Variants in CRB1 observed in about 807,000 individuals in gnomAD.
The protein encoded by CRB1 is protein crumbs homolog 1.
A neutral mutation model predicts 120.0 loss-of-function variants in CRB1; 83 were observed. That is an observed-to-expected ratio of 0.69 (90% CI 0.58 to 0.83). CRB1 has a LOEUF of 0.83. CRB1 is among the 40% of genes least tolerant of loss of function. The pLI is 0.00. For missense variants in CRB1, 1,699 were observed against 1,687.6 expected (o/e 1.01, Z -0.12); for synonymous variants, 625 against 612.5 (o/e 1.02, Z -0.30).
At chr1:197,254,021 A>T in the CRB1 span, among the ~76,000 whole-genome samples, 1 of 152,118 alleles carries the variant, frequency 6.6e-6, no homozygotes, top group Non-Finnish European at 1.5e-5. Flanking sequence ...TCAGGCAGCT[A>T]TTGATCCAAA....
At chr1:197,475,308 G>T (rs1260139061) in intron 11 of CRB1, among the ~76,000 whole-genome samples, 1 of 152,034 alleles carries the variant, frequency 6.6e-6, no homozygotes, top group Non-Finnish European at 1.5e-5. Flanking sequence ...CCTCATGTGA[G>T]CCCAATTTCA....
intron 5 of CRB1, among the ~76,000 whole-genome samples, chr1:197,397,976 G>A (rs552924544): frequency 5.3e-5 from 8 of 152,126 alleles, no homozygotes; most frequent in Non-Finnish European, 8.8e-5. Flanking sequence ...AAGTGGAAGT[G>A]ACCTGGACCT....
Position 197,435,474 on chromosome 1 carries a change from C to A in CRB1, c.3611C>A (p.Pro1204His). 1 of 1,601,018 alleles carries A rather than the reference C, an allele frequency of 6.2e-7. No individual in the cohort carries two copies. Among genetic ancestry groups the A allele is most frequent in the South Asian group, 1.1e-5 (1 of 88,382 alleles). ...RVAAYHCTCE[P>H]GYTGVNCEVD... is the part of the protein sequence containing the mutation. The stretch of plus-strand genomic sequence containing the variant: ...GCAGCCTACCACTGCACATGTGAGC[C>A]TGGATACACTGGTGTGAACTGTGAA... Residue 1204 changes from proline (P) to histidine (H), a missense_variant, in exon 9 of 12, where the codon CCT (proline) becomes CAT (histidine). Transcript: ENST00000367400.
chr1:197,254,662 T>C, the CRB1 span, among the ~76,000 whole-genome samples: 14 of 152,260 alleles, frequency 9.2e-5, no homozygotes, highest in Middle Eastern at 6.8e-3. Context: ...CAAATCAGTT[T>C]TTTAAAGAAC....
chr1:197,413,856 A>T (rs1433433745), intron 5 of CRB1: 10 of 448,894 alleles, frequency 2.2e-5, no homozygotes, highest in Non-Finnish European at 1.3e-5. Flanking sequence ...TTGAAGAACA[A>T]GCCCACACTT....
chr1:197,463,132 T>TA (rs1265308136), intron 11 of CRB1, among the ~76,000 whole-genome samples: 1 of 152,182 alleles, frequency 6.6e-6, no homozygotes, highest in Non-Finnish European at 1.5e-5. Context: ...GTTGTTTTAC[T>TA]TCTTGATAGA....
chr1:197,432,217 A>G (rs1288064881), intron 8 of CRB1, among the ~76,000 whole-genome samples: 1 of 152,162 alleles, frequency 6.6e-6, no homozygotes, highest in Non-Finnish European at 1.5e-5. Context: ...AAATATATTT[A>G]TATAGCATTA....
rs144894633 is a variant in CRB1 at position 197,282,292 on chromosome 1, C to T, written c.70+13810C>T. Among the ~76,000 whole-genome samples the T allele has an allele frequency of 2.4e-4, 37 of 151,818 alleles. No homozygotes were observed. In the East Asian group the frequency reaches 5.8e-3, roughly 24 times the overall value. ...ATTCAGTAACTATCATCAAGTCCATCCTCTGGACTACTTATTAGAATAAGA... is the reference window on the plus strand; with the variant it reads ...ATTCAGTAACTATCATCAAGTCCATTCTCTGGACTACTTATTAGAATAAGA... On this transcript the variant is annotated intron_variant, in intron 1 of 11. Transcript: ENST00000367400.
chr1:197,297,941 G>A (rs1373583318), intron 1 of CRB1, among the ~76,000 whole-genome samples: 2 of 152,082 alleles, frequency 1.3e-5, no homozygotes, highest in Admixed American at 1.3e-4. Flanking sequence ...TTCATGGGGT[G>A]GTGAGGACAG....
the CRB1 span, among the ~76,000 whole-genome samples, chr1:197,252,558 ATATATATATATATATATATATATATGTG>A: frequency 2.6e-5 from 1 of 38,912 alleles, no homozygotes; most frequent in African/African-American, 6.4e-5. Context: ...ATATATATAT[ATATATATATATATATATATATATATGTG>A]TGTGTGTGTG....
At chr1:197,345,473 T>C (rs1444690807) in intron 3 of CRB1, among the ~76,000 whole-genome samples, 7 of 150,618 alleles carry the variant, frequency 4.6e-5, no homozygotes, top group Non-Finnish European at 1.0e-4. Flanking sequence ...AAAAGGCACA[T>C]ATGCTTCAAA....
chr1:197,223,573 A>G, the CRB1 span, among the ~76,000 whole-genome samples: 1 of 152,214 alleles, frequency 6.6e-6, no homozygotes, highest in African/African-American at 2.4e-5. Flanking sequence ...GTTATTTATT[A>G]TGGAAAAATG....
chr1:197,255,996 T>TATATAC, the CRB1 span, among the ~76,000 whole-genome samples: 1,200 of 116,568 alleles, frequency 0.01, 24 homozygotes, highest in East Asian at 0.045. Context: ...TATATATATA[T>TATATAC]ACACTACAAT....
At chr1:197,244,011 G>T in the CRB1 span, among the ~76,000 whole-genome samples, 1 of 151,860 alleles carries the variant, frequency 6.6e-6, no homozygotes, top group African/African-American at 2.4e-5. Context: ...CTTTTATTTT[G>T]CTTTCCATTT....
At chr1:197,298,418 G>A (rs542468365) in intron 1 of CRB1, among the ~76,000 whole-genome samples, 3 of 152,082 alleles carry the variant, frequency 2.0e-5, no homozygotes, top group South Asian at 2.1e-4. Flanking sequence ...AATTGCAGAC[G>A]ATGAAAAAGT....
intron 1 of CRB1, 113 bp downstream of exon 1, chr1:197,268,595 G>T: frequency 6.2e-6 from 5 of 806,622 alleles, no homozygotes; most frequent in African/African-American, 3.5e-5. Context: ...AAAAAAGGAA[G>T]TTTTTATTTG....
At chr1:197,368,169 C>G (rs1661178286) in intron 5 of CRB1, among the ~76,000 whole-genome samples, 1 of 152,164 alleles carries the variant, frequency 6.6e-6, no homozygotes, top group South Asian at 2.1e-4. Context: ...TTTTCATTTG[C>G]TGACTTCACA....
At chr1:197,320,891 TA>T (rs1276189228) in intron 1 of CRB1, among the ~76,000 whole-genome samples, 1 of 152,228 alleles carries the variant, frequency 6.6e-6, no homozygotes, top group African/African-American at 2.4e-5. Flanking sequence ...TTTTCTACAG[TA>T]GAGCCATCCT....
Position 197,429,537 on chromosome 1 carries a change from G to A in CRB1, c.2765G>A (p.Cys922Tyr). 6.2e-7 allele frequency: 1 copy of A among 1,613,986 alleles called. No individual in the cohort carries two copies. The highest frequency in any genetic ancestry group is 8.5e-7 in the Non-Finnish European group (1 of 1,179,944). ...SCPALTSGKA[C>Y]EEVQWCGFSP... ...CCTGCCCTCACAAGTGGGAAAGCCT[G>A]TGAGGAGGTTCAGTGGTGTGGATTC... is the stretch of plus-strand genomic sequence containing the variant. Residue 922 changes from cysteine (C) to tyrosine (Y), a missense_variant, in exon 8 of 12, where the codon TGT becomes TAT. Transcript: ENST00000367400.
Sources: gnomAD v4.1 joint callset for allele counts (sites outside exome capture counted in the v4.1 genomes callset) on GRCh38, gnomAD v4.1.1 for gene constraint, MANE v1.5 for transcripts, NCBI Gene and HGNC (gene_info 2026-07-23, HGNC 2026-07-21) for gene names.